The following RAB39A variants were observed in gnomAD, a reference collection of about 807,000 sequenced individuals.
RAB39A encodes RAB39A, member RAS oncogene family, also known as ras-related protein Rab-39A.
In RAB39A, 17 loss-of-function variants were observed where a neutral mutation model predicts 20.9. The observed-to-expected ratio is 0.81, with a 90% CI of 0.56 to 1.22. The LOEUF is 1.22. Among genes scored for constraint, RAB39A ranks in the 50% most tolerant of loss-of-function variants. RAB39A has a pLI of 0.00. For missense variants in RAB39A, 234 were observed against 270.5 expected (o/e 0.87, Z 0.95); for synonymous variants, 99 against 103.4 (o/e 0.96, Z 0.26).
At chr11:107,931,437 C>T (rs1222217707) in intron 1 of RAB39A, among the ~76,000 whole-genome samples, 1 of 152,098 alleles carries the variant, frequency 6.6e-6, no homozygotes, top group Non-Finnish European at 1.5e-5. Context: ...GGCTCTTTAC[C>T]AAAGTTCTGT....
chr11:107,938,745 A>G (rs940634947), intron 1 of RAB39A, among the ~76,000 whole-genome samples: 1 of 151,740 alleles, frequency 6.6e-6, no homozygotes, highest in Non-Finnish European at 1.5e-5. Flanking sequence ...CAAAAAAAAA[A>G]AAAAGAAAGA....
intron 1 of RAB39A, among the ~76,000 whole-genome samples, chr11:107,930,309 C>G (rs553008286): frequency 6.6e-6 from 1 of 152,136 alleles, no homozygotes; most frequent in Non-Finnish European, 1.5e-5. Context: ...TGAAAGTCGT[C>G]GTGATCTCTA....
chr11:107,946,422 GTGTGTGTGTGTGTGTATATA>G (rs529847936), intron 1 of RAB39A, among the ~76,000 whole-genome samples: 3,277 of 34,102 alleles, frequency 0.096, 124 homozygotes, highest in Non-Finnish European at 0.12. Flanking sequence ...GTGTGTGTGT[GTGTGTGTGTGTGTGTATATA>G]TATATATATA....
At chr11:107,938,540 G>A (rs1327681786) in intron 1 of RAB39A, among the ~76,000 whole-genome samples, 3 of 139,412 alleles carry the variant, frequency 2.2e-5, no homozygotes, top group Non-Finnish European at 4.6e-5. Context: ...GACCAGTCTG[G>A]GCAACATAGT....
intron 1 of RAB39A, among the ~76,000 whole-genome samples, chr11:107,951,964 A>G (rs1861385172): frequency 6.6e-6 from 1 of 152,204 alleles, no homozygotes; most frequent in Non-Finnish European, 1.5e-5. Flanking sequence ...ATTCCCCAAT[A>G]GATCATTCAC....
intron 1 of RAB39A, among the ~76,000 whole-genome samples, chr11:107,937,794 C>G (rs1260658303): frequency 6.6e-6 from 1 of 152,158 alleles, no homozygotes; most frequent in East Asian, 1.9e-4. Context: ...CTCTCAGTCT[C>G]TGAGCCTCTT....
chr11:107,932,099 GC>G (rs753817593), intron 1 of RAB39A, among the ~76,000 whole-genome samples: 3 of 152,012 alleles, frequency 2.0e-5, no homozygotes, highest in Non-Finnish European at 4.4e-5. Context: ...CTGGGCTGAA[GC>G]AGTCCACCCA....
chr11:107,946,830 T>G (rs11212455), intron 1 of RAB39A, among the ~76,000 whole-genome samples: 1 of 151,692 alleles, frequency 6.6e-6, no homozygotes, highest in Non-Finnish European at 1.5e-5. Flanking sequence ...GCTCACACCT[T>G]TAATCCTAGC....
intron 1 of RAB39A, among the ~76,000 whole-genome samples, chr11:107,951,728 T>A (rs1232630417): frequency 1.3e-5 from 2 of 150,004 alleles, no homozygotes; most frequent in African/African-American, 2.5e-5. Flanking sequence ...CAAGCGATCC[T>A]GCCACCTCGG....
chr11:107,954,895 T>A (rs1305830543), intron 1 of RAB39A, among the ~76,000 whole-genome samples: 1 of 152,104 alleles, frequency 6.6e-6, no homozygotes, highest in Non-Finnish European at 1.5e-5. Flanking sequence ...CACTTGGTGT[T>A]CTACCATCAG....
chr11:107,946,454 ATATATATTTTTTTTTTTT>A (rs1861317628), intron 1 of RAB39A, among the ~76,000 whole-genome samples: 3 of 61,908 alleles, frequency 4.8e-5, no homozygotes, highest in African/African-American at 1.2e-4. Flanking sequence ...ATATATATAT[ATATATATTTTTTTTTTTT>A]TTTTTTTTTT....
rs1020901677 is a variant in RAB39A, at chr11:107,936,948, C to A, written c.227+8153C>A. On this transcript the variant is annotated intron_variant, in intron 1 of 1. Transcript: ENST00000320578. The stretch of plus-strand genomic sequence containing the variant: ...GACTCCCCCTCCAAAAAAAAAAAAA[C>A]AAATGAAGAAAATGATTGGTGGGTC... Among the ~76,000 whole-genome samples, 406 of 142,638 alleles carry A rather than the reference C, an allele frequency of 2.8e-3. 3 individuals carry two copies. The highest frequency in any genetic ancestry group is 4.6e-3 in the Non-Finnish European group (298 of 64,670). 93.6% of individuals were successfully genotyped at this position (142,638 alleles called of 152,430 possible).
intron 1 of RAB39A, among the ~76,000 whole-genome samples, chr11:107,934,754 C>T (rs1861176169): frequency 6.6e-6 from 1 of 151,684 alleles, no homozygotes; most frequent in Non-Finnish European, 1.5e-5. Context: ...ATGGTGAAAC[C>T]CCCATCTCTA....
chr11:107,940,552 G>C (rs534981479), intron 1 of RAB39A, among the ~76,000 whole-genome samples: 1 of 152,054 alleles, frequency 6.6e-6, no homozygotes, highest in African/African-American at 2.4e-5. Context: ...GTGCGAGCCT[G>C]TTTTAATTAT....
chr11:107,929,466 G>C (rs1861115440), intron 1 of RAB39A, among the ~76,000 whole-genome samples: 1 of 151,010 alleles, frequency 6.6e-6, no homozygotes, highest in Non-Finnish European at 1.5e-5. Flanking sequence ...GCAACATCAG[G>C]GACACTGGCA....
intron 1 of RAB39A, among the ~76,000 whole-genome samples, chr11:107,952,290 A>G (rs1277353049): frequency 6.6e-6 from 1 of 152,216 alleles, no homozygotes; most frequent in East Asian, 1.9e-4. Context: ...TAAGTAAAAT[A>G]AGCCAGTCAG....
chr11:107,928,458 A>C lies in RAB39A; in HGVS notation c.-111A>C. On this transcript the variant is annotated 5_prime_UTR_variant, in exon 1 of 2. Transcript: ENST00000320578. The surrounding 1 kb of genome is among the most constrained non-coding windows in gnomAD (Gnocchi z 4.9). ...CCAGGCGGCGGCCGCAGCCGCAGGA[A>C]TATGCTGGAAGGCGGCGGGCGGGCG... 1 of 745,680 alleles carries C rather than the reference A, an allele frequency of 1.3e-6. No homozygotes were observed. Among genetic ancestry groups the C allele is most frequent in the Non-Finnish European group, 1.9e-6 (1 of 527,590 alleles). 46.2% of individuals were successfully genotyped at this position (745,680 alleles called of 1,614,324 possible).
intron 1 of RAB39A, among the ~76,000 whole-genome samples, chr11:107,950,175 G>A (rs112354504): frequency 8.5e-5 from 12 of 140,918 alleles, no homozygotes; most frequent in East Asian, 2.1e-4. Flanking sequence ...GTGAGACTCC[G>A]TCTCAAAAAA....
In RAB39A at chr11:107,928,497, G is replaced by GA. The variant is rs1861104014; in HGVS notation, c.-69dup. On this transcript the variant is annotated 5_prime_UTR_variant, in exon 1 of 2. Transcript: ENST00000320578. This position sits in a 1 kb window ranked among gnomAD's most constrained non-coding sequence, Gnocchi z 4.9. The stretch of plus-strand genomic sequence containing the variant: ...GGCGGGCGGGCGCCCGCGAGGTGCT[G>GA]AAAGGACAGTTCCCGCCGCCGAACT... 6 of 1,240,554 alleles carry GA rather than the reference G, an allele frequency of 4.8e-6. No homozygotes were observed. Among genetic ancestry groups the GA allele is most frequent in the Non-Finnish European group, 6.4e-6 (6 of 938,056 alleles). The allele number at this position is 1,240,554 out of a possible 1,614,324, so 76.8% of individuals were successfully genotyped here.
Sources: allele counts gnomAD v4.1 joint callset (sites outside exome capture counted in the v4.1 genomes callset), GRCh38; gene constraint gnomAD v4.1.1; non-coding constraint Gnocchi (gnomAD v3.1); transcripts MANE v1.5; gene names NCBI Gene and HGNC (gene_info 2026-07-23, HGNC 2026-07-21).